The following R3HDM2 variants were observed in gnomAD, a reference collection of about 807,000 sequenced individuals.
R3HDM2 encodes R3H domain-containing protein 2.
In R3HDM2, 38 loss-of-function variants were observed where a neutral mutation model predicts 124.5. The ratio of observed to expected loss-of-function variants is 0.31; its 90% CI spans 0.24 to 0.40. R3HDM2 has a LOEUF of 0.40. R3HDM2 is among the 10% of genes least tolerant of loss of function. R3HDM2 has a pLI of 1.00. For missense variants in R3HDM2, 869 were observed against 1,236.9 expected, an observed-to-expected ratio of 0.70 and a Z score of 4.46; for synonymous variants, 391 against 448.0, an observed-to-expected ratio of 0.87 and a Z score of 1.61.
intron 1 of R3HDM2, among the ~76,000 whole-genome samples, chr12:57,402,837 A>G (rs2068163849): frequency 6.6e-6 from 1 of 152,164 alleles, no homozygotes; most frequent in Admixed American, 6.6e-5. Context: ...GATTACAGAC[A>G]TAAGCTACTG....
At position 57,396,135 on chromosome 12, in the gene R3HDM2, T is replaced by C. The variant is rs116466142; in HGVS notation, c.-105-317A>G. 2.0e-3 allele frequency among the ~76,000 whole-genome samples: 303 copies of C among 152,314 alleles called. 2 individuals carry two copies. Among genetic ancestry groups the C allele is most frequent in the African/African-American group, 6.9e-3 (285 of 41,564 alleles). Reference sequence around the variant, plus strand: ...TCCCTGAAATTCTTCAGCTCTTTTTTACTCATTAAAAAGAGTAGTCTAGGC... The same window carrying C: ...TCCCTGAAATTCTTCAGCTCTTTTTCACTCATTAAAAAGAGTAGTCTAGGC... On this transcript the variant is annotated intron_variant, in intron 1 of 23. Coordinates refer to ENST00000402412, the MANE Select transcript of R3HDM2 (RefSeq NM_001394031.1).
chr12:57,428,292 G>A (rs906113238), intron 1 of R3HDM2, among the ~76,000 whole-genome samples: 24 of 152,016 alleles, frequency 1.6e-4, no homozygotes, highest in Non-Finnish European at 2.6e-4. Context: ...AGAGGCCAGT[G>A]TGCATGTTAG....
At chr12:57,404,316 A>G (rs11172200) in intron 1 of R3HDM2, among the ~76,000 whole-genome samples, 66,220 of 149,368 alleles carry the variant, frequency 0.44, 15,208 homozygotes, top group South Asian at 0.52. Flanking sequence ...CACCCGCCTC[A>G]GCCTCCCAAA....
In R3HDM2 at chr12:57,427,298, AT is replaced by A. The variant is rs200697158; in HGVS notation, c.-106+3421del. 9.9e-4 allele frequency among the ~76,000 whole-genome samples: 146 copies of A among 148,202 alleles called. 1 individual carries two copies. Among genetic ancestry groups the A allele is most frequent in the Middle Eastern group, 3.6e-3 (1 of 278 alleles). ...AGACAGAGGTTCTGTCTCAAAAAAA[AT>A]AAATAAATAATAATAAAATAAAATA... On this transcript the variant is annotated intron_variant, in intron 1 of 23. Coordinates refer to ENST00000402412, the MANE Select transcript of R3HDM2 (RefSeq NM_001394031.1).
intron 4 of R3HDM2, among the ~76,000 whole-genome samples, chr12:57,302,326 G>A (rs2051388680): frequency 6.6e-6 from 1 of 151,986 alleles, no homozygotes; most frequent in South Asian, 2.1e-4. Flanking sequence ...GCTCATGCCT[G>A]TAATCCTAGC....
chr12:57,292,303 G>A (rs1266601212), intron 11 of R3HDM2, among the ~76,000 whole-genome samples: 1 of 152,172 alleles, frequency 6.6e-6, no homozygotes, highest in Admixed American at 6.5e-5. Flanking sequence ...TTTCAGTCTA[G>A]GCAAATTTAC....
intron 2 of R3HDM2, among the ~76,000 whole-genome samples, chr12:57,343,764 TAAA>T (rs5798403): frequency 0.26 from 29,443 of 111,384 alleles, 3,280 homozygotes; most frequent in South Asian, 0.44. Flanking sequence ...TACAAAAGGT[TAAA>T]AAAAAAAAAA....
chr12:57,339,930 C>CA (rs1389658176), intron 2 of R3HDM2, among the ~76,000 whole-genome samples: 5 of 151,612 alleles, frequency 3.3e-5, no homozygotes. Flanking sequence ...CTTCCAAAAA[C>CA]AAAAAACAAA....
In R3HDM2 at chr12:57,376,479, C is replaced by T. The variant is rs149439361; in HGVS notation, c.-36+19270G>A. On this transcript the variant is annotated intron_variant, in intron 2 of 23. Coordinates refer to ENST00000402412, the MANE Select transcript of R3HDM2 (RefSeq NM_001394031.1). Reference sequence around the variant, plus strand: ...TCTGTCTCAAAAAATAATTTCCCCTCAAAGTTCTAACAGTTTTTTAATTTT... The same window carrying T: ...TCTGTCTCAAAAAATAATTTCCCCTTAAAGTTCTAACAGTTTTTTAATTTT... Among the ~76,000 whole-genome samples the T allele has an allele frequency of 9.3e-4, 141 of 152,314 alleles. 1 individual carries two copies. The highest frequency in any genetic ancestry group is 3.2e-3 in the Admixed American group (49 of 15,282).
intron 1 of R3HDM2, among the ~76,000 whole-genome samples, chr12:57,406,148 C>T (rs996743569): frequency 6.6e-6 from 1 of 151,906 alleles, no homozygotes; most frequent in African/African-American, 2.4e-5. Context: ...ATGGTGAAAC[C>T]CCATTTCTAC....
At chr12:57,300,876 G>C (rs1026483040) in intron 4 of R3HDM2, among the ~76,000 whole-genome samples, 2 of 152,130 alleles carry the variant, frequency 1.3e-5, no homozygotes, top group African/African-American at 4.8e-5. Context: ...AGCTGAGGTA[G>C]GAAGATCACT....
At chr12:57,393,809 C>T (rs180854788) in intron 2 of R3HDM2, among the ~76,000 whole-genome samples, 6 of 152,258 alleles carry the variant, frequency 3.9e-5, no homozygotes, top group East Asian at 3.9e-4. Flanking sequence ...ATCTTGAAAG[C>T]GGCACAAGTG....
chr12:57,309,501 GCAAA>G (rs1435427521), intron 3 of R3HDM2, among the ~76,000 whole-genome samples: 2 of 152,166 alleles, frequency 1.3e-5, no homozygotes, highest in African/African-American at 4.8e-5. Flanking sequence ...GAAAAACATG[GCAAA>G]CAAAGAGTGA....
intron 1 of R3HDM2, among the ~76,000 whole-genome samples, chr12:57,398,647 C>T (rs868561561): frequency 6.6e-6 from 1 of 152,228 alleles, no homozygotes; most frequent in Middle Eastern, 3.4e-3. Flanking sequence ...CGCCACCATG[C>T]CCGGCTAATT....
intron 12 of R3HDM2, 97 bp from the exon 13 acceptor site, chr12:57,284,153 G>A: frequency 2.6e-6 from 3 of 1,146,892 alleles, no homozygotes; most frequent in Non-Finnish European, 3.7e-6. Context: ...ACAAAGAATG[G>A]GTAAGAATTA....
At chr12:57,313,700 T>C (rs1339134096) in intron 2 of R3HDM2, among the ~76,000 whole-genome samples, 2 of 150,682 alleles carry the variant, frequency 1.3e-5, no homozygotes, top group Admixed American at 1.3e-4. Context: ...GGTGACATAG[T>C]GAGACCTCCT....
intron 12 of R3HDM2, among the ~76,000 whole-genome samples, chr12:57,288,525 C>A (rs1003642990): frequency 2.6e-5 from 4 of 152,032 alleles, no homozygotes; most frequent in African/African-American, 9.7e-5. Flanking sequence ...GACACCCATT[C>A]TTTTACCTTA....
At chr12:57,350,165 G>A (rs974019912) in intron 2 of R3HDM2, among the ~76,000 whole-genome samples, 1 of 151,954 alleles carries the variant, frequency 6.6e-6, no homozygotes, top group Admixed American at 6.6e-5. Context: ...AGCCGAGATC[G>A]CGCCACTGCA....
At position 57,254,820 on chromosome 12, in the gene R3HDM2, T is replaced by C. The variant is rs2038407759; in HGVS notation, c.2926A>G (p.Lys976Glu). The change falls in exon 24 of 24, where the codon AAA becomes GAA. Residue 976 changes from lysine (K) to glutamate (E), a missense_variant. Lys to Glu is a moderately conservative substitution (Grantham distance 56, BLOSUM62 1). Transcript: ENST00000402412. Reference sequence around the variant, plus strand: ...AGGATCCTCAGGTCATAGTTCTTTTTGGCCATTCGAAGTTTGAAGCGACTC... The same window carrying C: ...AGGATCCTCAGGTCATAGTTCTTTTCGGCCATTCGAAGTTTGAAGCGACTC... Reference protein sequence around the residue: ...SVSRFKLRMAKKNYDLRILER... With the variant: ...SVSRFKLRMAEKNYDLRILER... 6.2e-7 allele frequency: 1 copy of C among 1,607,964 alleles called. No homozygotes were observed. Among genetic ancestry groups the C allele is most frequent in the Non-Finnish European group, 8.5e-7 (1 of 1,175,780 alleles).
Sources: allele counts gnomAD v4.1 joint callset (sites outside exome capture counted in the v4.1 genomes callset), GRCh38; gene constraint gnomAD v4.1.1; transcripts MANE v1.5; gene names NCBI Gene and HGNC (gene_info 2026-07-23, HGNC 2026-07-21).